USP9X: variants seen among roughly 807,000 people sequenced by gnomAD.
The protein encoded by USP9X is ubiquitin carboxyl-terminal hydrolase 9X.
A neutral mutation model predicts 190.3 loss-of-function variants in USP9X; 7 were observed. That is an observed-to-expected ratio of 0.04 (90% confidence interval 0.02 to 0.07). The LOEUF is 0.07. Among genes scored for constraint, USP9X ranks in the 10% least tolerant of loss-of-function variants. The pLI is 1.00. For missense variants in USP9X, 1,010 were observed against 1,916.9 expected, an observed-to-expected ratio of 0.53 and a Z score of 8.83; for synonymous variants, 645 against 659.5, an observed-to-expected ratio of 0.98 and a Z score of 0.34.
At chrX:41,151,299 G>T (rs1432352837) in intron 13 of USP9X, among the ~76,000 whole-genome samples, 1 of 111,022 alleles carries the variant, frequency 9.0e-6, no homozygotes, top group Non-Finnish European at 1.9e-5. Context: ...TTGGGTTCTT[G>T]GTTCAGAATT....
At chrX:41,117,070 T>G (rs188616495) in intron 1 of USP9X, among the ~76,000 whole-genome samples, 2 of 111,193 alleles carry the variant, frequency 1.8e-5, no homozygotes, top group East Asian at 5.6e-4. Context: ...ACCGGAAATA[T>G]AGAAATGAGG....
intron 1 of USP9X, among the ~76,000 whole-genome samples, chrX:41,108,602 C>T (rs1406559393): frequency 9.0e-6 from 1 of 111,409 alleles, no homozygotes; most frequent in Non-Finnish European, 1.9e-5. Flanking sequence ...TCCAACACAC[C>T]CTCAGGCAGC....
chrX:41,188,200 A>AT (rs34944354), intron 25 of USP9X, 83 bp downstream of exon 25: 2 of 931,044 alleles, frequency 2.1e-6, no homozygotes, highest in Non-Finnish European at 2.9e-6. Context: ...TAGCTTTGCT[A>AT]TTTTTAAAAA....
chrX:41,150,850 C>A, intron 12 of USP9X, 71 bp from the exon 13 acceptor site: 1 of 981,533 alleles, frequency 1.0e-6, no homozygotes, highest in South Asian at 2.9e-5. Flanking sequence ...TTTTATAATT[C>A]TCAAAATAAT....
chrX:41,141,172 A>G lies in USP9X; in HGVS notation c.977A>G (p.Glu326Gly). ...GCTTCAAGGGTTCCAGGACAAGAAGAAACTGTTAAAAACTTAGAAATATTT... is the reference window on the plus strand; with the variant it reads ...GCTTCAAGGGTTCCAGGACAAGAAGGAACTGTTAAAAACTTAGAAATATTT... The part of the protein sequence containing the change: ...NLASRVPGQE[E>G]TVKNLEIFRL... The change falls in exon 8 of 45, where the codon GAA (glutamate) becomes GGA (glycine). Residue 326 changes from glutamate (E) to glycine (G), a missense_variant. Physicochemically the swap from Glu to Gly is moderately conservative, Grantham distance 98. Transcript: ENST00000378308. 8.4e-7 allele frequency: 1 copy of G among 1,191,998 alleles called. No individual in the cohort carries two copies. Among genetic ancestry groups the G allele is most frequent in the Non-Finnish European group, 1.1e-6 (1 of 886,118 alleles).
In USP9X at chrX:41,215,879, C is replaced by A; in HGVS notation, c.5332-20C>A. ...TGGATTTTAATAGAACATCTGGTAACTTTGTCTTGTTTATTTTAGGTTGAT... is the reference window on the plus strand; with the variant it reads ...TGGATTTTAATAGAACATCTGGTAAATTTGTCTTGTTTATTTTAGGTTGAT... On this transcript the variant is annotated intron_variant, in intron 34 of 44. Coordinates refer to ENST00000378308, the MANE Select transcript of USP9X (RefSeq NM_001039591.3). 1 of 1,145,128 alleles carries A rather than the reference C, an allele frequency of 8.7e-7. No individual in the cohort carries two copies. The highest frequency in any genetic ancestry group is 1.2e-6 in the Non-Finnish European group (1 of 858,869). 94.4% of individuals were successfully genotyped at this position (1,145,128 alleles called of 1,213,427 possible).
At chrX:41,114,209 G>T (rs899494827) in intron 1 of USP9X, among the ~76,000 whole-genome samples, 1 of 111,623 alleles carries the variant, frequency 9.0e-6, no homozygotes, top group African/African-American at 3.3e-5. Context: ...ATAACATTAC[G>T]GGACTCATGA....
At chrX:41,181,509 C>T (rs954727104) in intron 21 of USP9X, among the ~76,000 whole-genome samples, 7 of 91,601 alleles carry the variant, frequency 7.6e-5, no homozygotes, top group East Asian at 3.6e-4. Context: ...AATGCAGTGG[C>T]GCAGTCTCTG....
At chrX:41,183,900 A>AT in intron 21 of USP9X, 98 bp from the exon 22 acceptor site, 1 of 1,010,125 alleles carries the variant, frequency 9.9e-7, no homozygotes, top group South Asian at 3.4e-5. Context: ...AACTGAGTGG[A>AT]TTGTTATTCC....
At chrX:41,088,590 T>A (rs2061930364) in intron 1 of USP9X, among the ~76,000 whole-genome samples, 1 of 112,099 alleles carries the variant, frequency 8.9e-6, no homozygotes, top group South Asian at 3.6e-4. Flanking sequence ...TATCTAGCAG[T>A]GTGTGTTAAT....
At chrX:41,147,168 A>G (rs1226731941) in intron 11 of USP9X, among the ~76,000 whole-genome samples, 1 of 108,634 alleles carries the variant, frequency 9.2e-6, no homozygotes, top group Non-Finnish European at 1.9e-5. Flanking sequence ...TAGTTTTGAT[A>G]CAGAAGGTTT....
rs986332732 is a variant in USP9X, at chrX:41,086,031, C to T, written c.-237C>T. ...GGGATGCACCCAGGGTAGGTCTCGT[C>T]CCGGGACCGAGCCCCACCGTCGCCT... On this transcript the variant is annotated 5_prime_UTR_variant, in exon 1 of 45. Coordinates refer to ENST00000378308, the MANE Select transcript of USP9X (RefSeq NM_001039591.3). 69 of 296,010 alleles carry T rather than the reference C, an allele frequency of 2.3e-4. No individual in the cohort carries two copies. The highest frequency in any genetic ancestry group is 3.6e-4 in the Non-Finnish European group (61 of 169,900). The allele number at this position is 296,010 out of a possible 1,213,427, so 24.4% of individuals were successfully genotyped here.
rs1264899338 is a variant in USP9X, at chrX:41,223,374, C to T, written c.6723C>T (p.Val2241=). Residue 2241 remains valine (V), a synonymous_variant, in exon 39 of 45, where the codon GTC becomes GTT. Transcript: ENST00000378308. ...VVSQLIRCCN[V]SSRMQSSING... ...CACAGCTGATCCGCTGTTGCAATGT[C>T]TCTTCAAGAATGCAGTCTTCAATCA... 1 of 1,210,067 alleles carries T rather than the reference C, an allele frequency of 8.3e-7. No homozygotes were observed.
At chrX:41,150,834 CTTTTA>C (rs1391180681) in intron 12 of USP9X, 82 bp from the exon 13 acceptor site, 25 of 933,367 alleles carry the variant, frequency 2.7e-5, no homozygotes, top group African/African-American at 8.2e-5. Flanking sequence ...AAAAGAAAAG[CTTTTA>C]TTTTATAATT....
At chrX:41,153,671 T>C (rs2062550300) in intron 14 of USP9X, among the ~76,000 whole-genome samples, 1 of 112,171 alleles carries the variant, frequency 8.9e-6, no homozygotes, top group South Asian at 3.6e-4. Context: ...TCAGTGCTCT[T>C]TTGCCCTTTG....
At position 41,086,917 on chromosome X, in the gene USP9X, A is replaced by G. The variant is rs2061917810; in HGVS notation, c.-159+808A>G. Among the ~76,000 whole-genome samples, 3 of 112,765 alleles carry G rather than the reference A, an allele frequency of 2.7e-5. No homozygotes were observed. The South Asian group carries it at 1.1e-3, about 40-fold the overall frequency. On this transcript the variant is annotated intron_variant, in intron 1 of 44. Transcript: ENST00000378308. ...GGGTTGGATAAATGGCTGATTTTTC[A>G]TTCATTGTGAAATAAGTTAAAGAGT...
chrX:41,169,855 G>A lies in USP9X; in HGVS notation c.2637-140G>A, dbSNP rs993584200. The A allele has an allele frequency of 2.5e-5, 20 of 808,127 alleles. No individual in the cohort carries two copies. In the South Asian group the frequency reaches 5.0e-4, roughly 20 times the overall value. 66.6% of individuals were successfully genotyped at this position (808,127 alleles called of 1,213,427 possible). On this transcript the variant is annotated intron_variant, in intron 18 of 44. Coordinates refer to ENST00000378308, the MANE Select transcript of USP9X (RefSeq NM_001039591.3). ...GACATTTCATATAAGGGATTCTCAA[G>A]CTGTATTAAGTATCTTTAATTCACA... is the stretch of plus-strand genomic sequence containing the variant.
At chrX:41,207,178 TC>T (rs1372016177) in intron 32 of USP9X, among the ~76,000 whole-genome samples, 1 of 93,032 alleles carries the variant, frequency 1.1e-5, no homozygotes, top group Non-Finnish European at 2.0e-5. Flanking sequence ...AACCTCTGCC[TC>T]CCAGGTTCAA....
chrX:41,143,534 G>A, intron 10 of USP9X, 91 bp downstream of exon 10: 1 of 819,655 alleles, frequency 1.2e-6, no homozygotes. Flanking sequence ...ATGGATGCAG[G>A]CTTGTATTGT....
Sources: gnomAD v4.1 joint callset for allele counts (sites outside exome capture counted in the v4.1 genomes callset) on GRCh38, gnomAD v4.1.1 for gene constraint, MANE v1.5 for transcripts, NCBI Gene and HGNC (gene_info 2026-07-23, HGNC 2026-07-21) for gene names.